Variants in HACL1 observed in about 807,000 individuals in gnomAD.
HACL1 encodes the protein 1600020H07Rik.
HACL1 carries 64 observed loss-of-function variants against 74.2 expected under a neutral mutation model. The observed-to-expected ratio is 0.86, with a 90% confidence interval of 0.70 to 1.06. The LOEUF is 1.06. Ranked by LOEUF, HACL1 falls within the 50% of genes least tolerant of loss-of-function variation. The pLI is 0.00. For synonymous variants in HACL1, 230 were observed against 238.8 expected, an observed-to-expected ratio of 0.96 and a Z score of 0.34; for missense variants, 728 against 719.7, an observed-to-expected ratio of 1.01 and a Z score of -0.13.
At chr3:15,562,042 G>A (rs1244787447) in intron 16 of HACL1, among the ~76,000 whole-genome samples, 1 of 152,212 alleles carries the variant, frequency 6.6e-6, no homozygotes, top group Admixed American at 6.5e-5. Context: ...CTGATGCCCG[G>A]AGGAGGGTGT....
At chr3:15,564,035 G>A (rs1272074311) in intron 15 of HACL1, among the ~76,000 whole-genome samples, 1 of 152,100 alleles carries the variant, frequency 6.6e-6, no homozygotes, top group East Asian at 1.9e-4. Flanking sequence ...AGTTAGTGAG[G>A]CATAAATAGA....
intron 14 of HACL1, among the ~76,000 whole-genome samples, chr3:15,567,161 A>G (rs2125229652): frequency 6.7e-6 from 1 of 149,674 alleles, no homozygotes; most frequent in South Asian, 2.1e-4. Context: ...GACTTGATAG[A>G]ACCAGTATTT....
intron 12 of HACL1, among the ~76,000 whole-genome samples, chr3:15,571,023 G>A (rs2063518831): frequency 6.6e-6 from 1 of 151,830 alleles, no homozygotes; most frequent in East Asian, 1.9e-4. Context: ...TGTCACCCAG[G>A]CTTGAGTGCA....
At chr3:15,600,712 T>C in intron 2 of HACL1, 2 of 249,756 alleles carry the variant, frequency 8.0e-6, no homozygotes, top group South Asian at 1.1e-4. Flanking sequence ...GGGGTACAGA[T>C]GTGTCGTGAA....
At chr3:15,589,103 C>T (rs2063845895) in intron 5 of HACL1, among the ~76,000 whole-genome samples, 2 of 152,174 alleles carry the variant, frequency 1.3e-5, no homozygotes, top group Non-Finnish European at 2.9e-5. Flanking sequence ...TAAGTTACTT[C>T]AGGTACTTCT....
At chr3:15,573,372 C>A in intron 10 of HACL1, 130 bp from the exon 11 acceptor site, 1 of 605,650 alleles carries the variant, frequency 1.7e-6, no homozygotes, top group Non-Finnish European at 2.9e-6. Context: ...TTCAGAAGTT[C>A]CTTAATAAAA....
At position 15,568,430 on chromosome 3, in the gene HACL1, AC is replaced by A. The variant is rs748587626; in HGVS notation, c.1250+1del. On this transcript the variant is annotated splice_donor_variant, in intron 13 of 16. Transcript: ENST00000321169. LOFTEE classifies it high-confidence loss of function. ...GACTTCTTTCTTCTTTAGAAGTCTT[AC>A]CTGTGACGAGGAAGGTAGTTCTGAA... The A allele has an allele frequency of 6.4e-7, 1 of 1,563,886 alleles. No homozygotes were observed. The highest frequency in any genetic ancestry group is 1.2e-5 in the South Asian group (1 of 85,588).
intron 8 of HACL1, among the ~76,000 whole-genome samples, chr3:15,582,186 T>C (rs1305922794): frequency 6.6e-6 from 1 of 152,208 alleles, no homozygotes; most frequent in African/African-American, 2.4e-5. Context: ...ATGGATACTA[T>C]AATAAATTGC....
chr3:15,573,176 G>T lies in HACL1; in HGVS notation c.976C>A (p.His326Asn), dbSNP rs760168494. 5 of 1,600,812 alleles carry T rather than the reference G, an allele frequency of 3.1e-6. No individual in the cohort carries two copies. In the South Asian group the frequency reaches 4.4e-5, roughly 14 times the overall value. The change falls in exon 11 of 17, where the codon CAT (histidine) becomes AAT (asparagine). Residue 326 changes from histidine to asparagine, a missense_variant. Transcript: ENST00000321169. ...GTTCTCACCTGCTTAGTGACAGCAT[G>T]TATGTTTCCTAGCAAAGTAACAGCG... ...KPAVTLLGNI[H>N]AVTKQLLEEL... is the part of the protein sequence containing the mutation.
chr3:15,582,926 C>T lies in HACL1; in HGVS notation c.618G>A (p.Ala206=), dbSNP rs2063737044. 3.1e-6 allele frequency: 5 copies of T among 1,611,896 alleles called. No individual in the cohort carries two copies. Among genetic ancestry groups the T allele is most frequent in the Non-Finnish European group, 3.4e-6 (4 of 1,178,410 alleles). Residue 206 remains alanine (A), a synonymous_variant, in exon 8 of 17, where the codon GCG becomes GCA. Coordinates refer to ENST00000321169, the MANE Select transcript of HACL1 (RefSeq NM_012260.4). ...GTTTGGCATTCCTAATAACAGAAGC[C>T]GCCGTGCACACAGCAGAGGTTTCTG... The part of the protein sequence containing the change: ...SMAETSAVCT[A]ASVIRNAKQP...
rs372618769 is a variant in HACL1 at position 15,596,683 on chromosome 3, A to G, written c.187-259T>C. Among the ~76,000 whole-genome samples the G allele has an allele frequency of 3.3e-5, 5 of 152,176 alleles. No homozygotes were observed. The East Asian group carries it at 5.8e-4, about 18-fold the overall frequency. ...CTTAAATATCTGCAGGATCAATAGG[A>G]ATGTCCTCTTTTATTAACAATATTG... On this transcript the variant is annotated intron_variant, in intron 2 of 16. Transcript: ENST00000321169.
At chr3:15,601,029 T>C in intron 2 of HACL1, 61 bp downstream of exon 2, 1 of 997,270 alleles carries the variant, frequency 1.0e-6, no homozygotes, top group Middle Eastern at 2.1e-4. Flanking sequence ...TTGCAATGCA[T>C]ACCTACCGCT....
chr3:15,586,544 A>AC lies in HACL1; in HGVS notation c.439_440insG (p.Ile147SerfsTer6), dbSNP rs2063797849. 1 of 1,590,806 alleles carries AC rather than the reference A, an allele frequency of 6.3e-7. No individual in the cohort carries two copies. The highest frequency in any genetic ancestry group is 1.7e-5 in the Admixed American group (1 of 59,548). ...CTGTACCTTTTCAATAACAAAAGGA[A>AC]TAGCTTCTATGCTGCTTGGGCGGGC... On this transcript the variant is annotated frameshift_variant, in exon 6 of 17. Coordinates refer to ENST00000321169, the MANE Select transcript of HACL1 (RefSeq NM_012260.4). LOFTEE classifies it high-confidence loss of function.
rs2063597738 is a variant in HACL1 at position 15,574,977 on chromosome 3, C to G, written c.909G>C (p.Gln303His). Residue 303 changes from glutamine (Q) to histidine (H), a missense_variant and splice_region_variant, in exon 10 of 17, where the codon CAG (glutamine) becomes CAC (histidine). Transcript: ENST00000321169. ...PRYQPDVKFI[Q>H]VDICAEELGN... ...TTTTAAGTTCCTCCTCTCTAAGTACCTGGATAAACTTCACATCTGGCTGAT... is the reference window on the plus strand; with the variant it reads ...TTTTAAGTTCCTCCTCTCTAAGTACGTGGATAAACTTCACATCTGGCTGAT... 1 of 1,406,934 alleles carries G rather than the reference C, an allele frequency of 7.1e-7. No individual in the cohort carries two copies. Among genetic ancestry groups the G allele is most frequent in the African/African-American group, 1.4e-5 (1 of 71,048 alleles). The allele number at this position is 1,406,934 out of a possible 1,614,324, so 87.2% of individuals were successfully genotyped here. A position where few individuals can be genotyped will look rare whatever the true frequency, so the allele number is the denominator to read the frequency against.
chr3:15,570,279 G>A (rs1303356367), intron 12 of HACL1, among the ~76,000 whole-genome samples: 1 of 151,192 alleles, frequency 6.6e-6, no homozygotes, highest in East Asian at 1.9e-4. Flanking sequence ...AGGTTGCAGT[G>A]AGCCAAGATC....
intron 12 of HACL1, 65 bp from the exon 13 acceptor site, chr3:15,568,651 AAG>A: frequency 1.1e-6 from 1 of 909,226 alleles, no homozygotes; most frequent in East Asian, 2.5e-5. Context: ...CAATGTTAAT[AAG>A]ATGCTATCAA....
At chr3:15,600,818 T>C (rs532787655) in intron 2 of HACL1, 21 of 544,990 alleles carry the variant, frequency 3.9e-5, no homozygotes, top group African/African-American at 1.1e-4. Flanking sequence ...TACAGTATAG[T>C]AGTAAGAGAA....
At chr3:15,564,180 A>G (rs1369678170) in intron 15 of HACL1, among the ~76,000 whole-genome samples, 1 of 152,254 alleles carries the variant, frequency 6.6e-6, no homozygotes, top group East Asian at 1.9e-4. Flanking sequence ...GGTGAAAGGA[A>G]GGTAGACCTC....
chr3:15,593,116 T>C (rs1339943145), intron 3 of HACL1, among the ~76,000 whole-genome samples: 1 of 140,798 alleles, frequency 7.1e-6, no homozygotes, highest in African/African-American at 2.9e-5. Flanking sequence ...TGTGTATATA[T>C]ACACACACAT....
Sources: allele counts gnomAD v4.1 joint callset (sites outside exome capture counted in the v4.1 genomes callset), GRCh38; gene constraint gnomAD v4.1.1; transcripts MANE v1.5; gene names NCBI Gene and HGNC (gene_info 2026-07-23, HGNC 2026-07-21).